TBXAS1: variants seen among roughly 807,000 people sequenced by gnomAD.
TBXAS1 encodes the protein thromboxane A synthase 1.
TBXAS1 carries 48 observed loss-of-function variants against 60.7 expected under a neutral mutation model. The ratio of observed to expected loss-of-function variants is 0.79; its 90% CI spans 0.63 to 1.01. The LOEUF (loss-of-function observed/expected upper bound fraction) is 1.01. Ranked by LOEUF, TBXAS1 falls within the 50% of genes least tolerant of loss-of-function variation. The probability of loss-of-function intolerance (pLI) is 0.00; values close to 1 mark genes in which losing one functional copy is unlikely to be tolerated. For synonymous variants in TBXAS1, 287 were observed against 269.7 expected (o/e 1.06, Z -0.63); for missense variants, 685 against 686.3 (o/e 1.00, Z 0.02).
chr7:139,911,113 C>G, intron 3 of TBXAS1, 112 bp from the exon 4 acceptor site: 2 of 897,632 alleles, frequency 2.2e-6, no homozygotes, highest in African/African-American at 1.6e-5. Flanking sequence ...CGTCTCCATA[C>G]CTTTACTTCC....
intron 1 of TBXAS1, among the ~76,000 whole-genome samples, chr7:139,861,171 T>C (rs1800933781): frequency 7.6e-6 from 1 of 131,284 alleles, no homozygotes; most frequent in Non-Finnish European, 1.6e-5. Context: ...TGAAACTCTG[T>C]CTCAAAAAAA....
chr7:139,982,523 G>A lies in TBXAS1; in HGVS notation c.1134+20290G>A, dbSNP rs149260182. On this transcript the variant is annotated intron_variant, in intron 9 of 12. Coordinates refer to ENST00000448866, the MANE Select transcript of TBXAS1 (RefSeq NM_001061.7). ...AGGGGTATTATAGCCCTGTTTTCCA[G>A]ATTTTTTGGACTACAATCTCATCAT... is the stretch of plus-strand genomic sequence containing the variant. 2.4e-3 allele frequency among the ~76,000 whole-genome samples: 362 copies of A among 152,234 alleles called. 3 individuals are homozygous for A. The highest frequency in any genetic ancestry group is 8.4e-3 in the African/African-American group (347 of 41,552).
chr7:139,795,107 T>C (rs1797522267), intron 4 of TBXAS1, among the ~76,000 whole-genome samples: 1 of 27,004 alleles, frequency 3.7e-5, no homozygotes, highest in African/African-American at 2.5e-4. Flanking sequence ...TCCACAATGG[T>C]TGAACTAGTT....
chr7:139,872,677 A>G (rs190594250), intron 2 of TBXAS1, among the ~76,000 whole-genome samples: 113 of 152,290 alleles, frequency 7.4e-4, no homozygotes, highest in African/African-American at 2.5e-3. Context: ...AAAATGAAAT[A>G]AAATAAAGTA....
At chr7:139,816,310 C>G (rs548351065) in intron 4 of TBXAS1, among the ~76,000 whole-genome samples, 13 of 152,032 alleles carry the variant, frequency 8.6e-5, no homozygotes, top group Non-Finnish European at 1.5e-4. Flanking sequence ...GATGGGAAGT[C>G]AGGGTCTCTC....
intron 9 of TBXAS1, among the ~76,000 whole-genome samples, chr7:139,971,437 A>G (rs931901755): frequency 6.6e-6 from 1 of 152,220 alleles, no homozygotes; most frequent in Admixed American, 6.5e-5. Context: ...GATCTGGATC[A>G]GGTGGCAGGG....
chr7:139,971,817 C>T (rs1004372921), intron 9 of TBXAS1, among the ~76,000 whole-genome samples: 2 of 152,128 alleles, frequency 1.3e-5, no homozygotes. Flanking sequence ...TTCCTCTTTC[C>T]TCTCTTCATT....
At chr7:139,792,032 C>T (rs184088275) in intron 4 of TBXAS1, among the ~76,000 whole-genome samples, 3 of 152,134 alleles carry the variant, frequency 2.0e-5, no homozygotes, top group Admixed American at 6.5e-5. Context: ...TGCTATATCC[C>T]ATAGAAAGCA....
intron 9 of TBXAS1, among the ~76,000 whole-genome samples, chr7:139,983,597 A>G (rs1475022073): frequency 1.3e-5 from 2 of 152,016 alleles, no homozygotes; most frequent in Non-Finnish European, 2.9e-5. Flanking sequence ...AACCCAATAG[A>G]TCTCCATGTA....
chr7:139,863,761 A>C (rs2116737559), intron 1 of TBXAS1, among the ~76,000 whole-genome samples: 1 of 152,328 alleles, frequency 6.6e-6, no homozygotes, highest in African/African-American at 2.4e-5. Flanking sequence ...GAAGTCCATA[A>C]TCAAAATATG....
chr7:139,816,484 G>A (rs988380111), intron 4 of TBXAS1, among the ~76,000 whole-genome samples: 1 of 152,160 alleles, frequency 6.6e-6, no homozygotes, highest in African/African-American at 2.4e-5. Context: ...TATTCAGTTG[G>A]TCTGGGTAGG....
rs752926435 is a variant in TBXAS1 at position 140,017,694 on chromosome 7, A to G, written c.1388A>G (p.Gln463Arg). ...PERFTAEARQ[Q>R]HRPFTYLPFG... ...AGGTTCACGGCTGAGGCCCGGCAGC[A>G]GCACCGGCCCTTCACGTACCTGCCC... is the stretch of plus-strand genomic sequence containing the variant. Residue 463 changes from glutamine (Q) to arginine (R), a missense_variant, in exon 12 of 13, where the codon CAG becomes CGG. Coordinates refer to ENST00000448866, the MANE Select transcript of TBXAS1 (RefSeq NM_001061.7). 6 of 1,613,422 alleles carry G rather than the reference A, an allele frequency of 3.7e-6. No individual in the cohort carries two copies. The highest frequency in any genetic ancestry group is 5.1e-6 in the Non-Finnish European group (6 of 1,179,832).
intron 3 of TBXAS1, among the ~76,000 whole-genome samples, chr7:139,893,945 G>C (rs1584786960): frequency 1.3e-5 from 2 of 152,290 alleles, no homozygotes; most frequent in East Asian, 3.9e-4. Context: ...CCATAGCTCT[G>C]TTTTGGAGAA....
chr7:139,973,041 G>C (rs1811323730), intron 9 of TBXAS1, among the ~76,000 whole-genome samples: 1 of 151,964 alleles, frequency 6.6e-6, no homozygotes, highest in Admixed American at 6.5e-5. Context: ...TGCGTGGGGA[G>C]ATGGAGGCAG....
At chr7:139,833,703 G>C (rs58020840) in intron 1 of TBXAS1, among the ~76,000 whole-genome samples, 3,571 of 151,542 alleles carry the variant, frequency 0.024, 130 homozygotes, top group African/African-American at 0.081. Context: ...AAAAAAAAGA[G>C]AGAGACAAAG....
At chr7:139,994,578 G>C (rs939062216) in intron 9 of TBXAS1, among the ~76,000 whole-genome samples, 1 of 151,590 alleles carries the variant, frequency 6.6e-6, no homozygotes, top group Non-Finnish European at 1.5e-5. Context: ...AAAATGGACC[G>C]AGTGGGCAAT....
chr7:139,801,487 G>A (rs879323211), intron 4 of TBXAS1, among the ~76,000 whole-genome samples: 1 of 118,414 alleles, frequency 8.4e-6, no homozygotes, highest in Admixed American at 8.6e-5. Flanking sequence ...TTTCTTTTTT[G>A]TGAGGCAGGT....
chr7:139,819,484 C>T (rs1308518884), intron 4 of TBXAS1, among the ~76,000 whole-genome samples: 1 of 152,036 alleles, frequency 6.6e-6, no homozygotes, highest in Non-Finnish European at 1.5e-5. Flanking sequence ...TCATTCTTTC[C>T]CCCAACTCTC....
At chr7:139,830,183 A>G (rs983724425) in intron 1 of TBXAS1, among the ~76,000 whole-genome samples, 1 of 152,170 alleles carries the variant, frequency 6.6e-6, no homozygotes, top group Non-Finnish European at 1.5e-5. Flanking sequence ...ATTTATGCAT[A>G]TTCGCCCTGT....
Sources: allele counts gnomAD v4.1 joint callset (sites outside exome capture counted in the v4.1 genomes callset), GRCh38; gene constraint gnomAD v4.1.1; transcripts MANE v1.5; gene names NCBI Gene and HGNC (gene_info 2026-07-23, HGNC 2026-07-21).